The following EPG5 variants were observed in gnomAD, a reference collection of about 807,000 sequenced individuals.
The protein encoded by EPG5 is ectopic P-granules 5 autophagy tethering factor.
EPG5 carries 159 observed loss-of-function variants against 302.7 expected under a neutral mutation model. The ratio of observed to expected loss-of-function variants is 0.53; its 90% CI spans 0.46 to 0.60. EPG5 has a LOEUF of 0.60. EPG5 is among the 20% of genes least tolerant of loss of function. The pLI is 0.00. For missense variants in EPG5, 2,896 were observed against 3,092.4 expected, an observed-to-expected ratio of 0.94 and a Z score of 1.51; for synonymous variants, 1,158 against 1,136.8, an observed-to-expected ratio of 1.02 and a Z score of -0.37.
At chr18:45,830,993 T>C in the EPG5 span, among the ~76,000 whole-genome samples, 1 of 152,194 alleles carries the variant, frequency 6.6e-6, no homozygotes, top group Non-Finnish European at 1.5e-5. Flanking sequence ...AATGTCACCT[T>C]AGTAAACATC....
the EPG5 span, among the ~76,000 whole-genome samples, chr18:45,808,783 A>C: frequency 6.6e-6 from 1 of 151,192 alleles, no homozygotes; most frequent in Non-Finnish European, 1.5e-5. Flanking sequence ...TTTAAAGCAT[A>C]AATATCACAG....
intron 36 of EPG5, among the ~76,000 whole-genome samples, chr18:45,868,639 G>A (rs1182103994): frequency 6.6e-6 from 1 of 151,504 alleles, no homozygotes; most frequent in East Asian, 1.9e-4. Flanking sequence ...AAAGTGCTGG[G>A]ATTACAGGCG....
In EPG5 at chr18:45,859,469, A is replaced by G. The variant is rs118044387; in HGVS notation, c.7009+635T>C. ...TTGCTCCGATACCCTCCTTCTCACT[A>G]CTGCTTCTCTCCCACTGACTGCAGT... On this transcript the variant is annotated intron_variant, in intron 40 of 43. Transcript: ENST00000282041. 6.1e-3 allele frequency among the ~76,000 whole-genome samples: 934 copies of G among 152,240 alleles called. 4 individuals carry two copies. Among genetic ancestry groups the G allele is most frequent in the South Asian group, 0.018 (89 of 4,824 alleles).
At chr18:45,837,007 G>A in the EPG5 span, 1 of 1,188,604 alleles carries the variant, frequency 8.4e-7, no homozygotes, top group Non-Finnish European at 1.3e-6. Context: ...TGTAACCCGG[G>A]GTTAACTGTG....
rs1194757461 is a variant in EPG5 at position 45,867,643 on chromosome 18, G to T, written c.6331C>A (p.Pro2111Thr). The change falls in exon 37 of 44, where the codon CCA becomes ACA. Residue 2111 changes from proline to threonine, a missense_variant. Around this residue, in one of 5 missense-constraint regions of EPG5, gnomAD observed 620 missense variants for 704.2 expected, o/e 0.88. Coordinates refer to ENST00000282041, the MANE Select transcript of EPG5 (RefSeq NM_020964.3). Reference sequence around the variant, plus strand: ...CAGACAATCATGCTGCGGGTTTCTGGGTGGGGACTGGAATTCCAGGCATCA... The same window carrying T: ...CAGACAATCATGCTGCGGGTTTCTGTGTGGGGACTGGAATTCCAGGCATCA... ...LSDAWNSSPHPETRSMIVCLL... is the reference protein window; with the variant it reads ...LSDAWNSSPHTETRSMIVCLL... 1 of 1,614,036 alleles carries T rather than the reference G, an allele frequency of 6.2e-7. No individual in the cohort carries two copies. Among genetic ancestry groups the T allele is most frequent in the Non-Finnish European group, 8.5e-7 (1 of 1,179,988 alleles).
At chr18:45,931,872 C>CAT (rs367753541) in intron 11 of EPG5, among the ~76,000 whole-genome samples, 76 of 149,146 alleles carry the variant, frequency 5.1e-4, no homozygotes, top group East Asian at 2.3e-3. Flanking sequence ...TAAATATATA[C>CAT]ATATATATAT....
the EPG5 span, chr18:45,840,332 A>G: frequency 7.0e-7 from 1 of 1,430,320 alleles, no homozygotes; most frequent in East Asian, 2.4e-5. Flanking sequence ...AATAAATGGC[A>G]AAGGGCTGGG....
At chr18:45,947,607 G>A (rs930329839) in intron 6 of EPG5, among the ~76,000 whole-genome samples, 1 of 151,988 alleles carries the variant, frequency 6.6e-6, no homozygotes, top group African/African-American at 2.4e-5. Context: ...CAACCCACCC[G>A]AGTTCTTCAC....
At chr18:45,915,880 A>G (rs1043520900) in intron 19 of EPG5, 129 bp downstream of exon 19, 48 of 906,954 alleles carry the variant, frequency 5.3e-5, no homozygotes, top group Non-Finnish European at 7.4e-5. Context: ...ATAAGGTACC[A>G]TTAAGGCAAA....
intron 25 of EPG5, 89 bp from the exon 26 acceptor site, chr18:45,901,256 T>C: frequency 1.7e-6 from 2 of 1,164,966 alleles, no homozygotes; most frequent in Non-Finnish European, 2.4e-6. Flanking sequence ...AGAATTCCTA[T>C]CCTCAAAAAA....
intron 1 of EPG5, 33 bp from the exon 2 acceptor site, chr18:45,955,371 A>G (rs762337162): frequency 7.3e-7 from 1 of 1,371,974 alleles, no homozygotes; most frequent in East Asian, 2.4e-5. Flanking sequence ...GAAATAATTT[A>G]TCACAATAAT....
At chr18:45,831,109 C>T in the EPG5 span, among the ~76,000 whole-genome samples, 1 of 152,082 alleles carries the variant, frequency 6.6e-6, no homozygotes, top group African/African-American at 2.4e-5. Context: ...CCCGGACAGA[C>T]CCCTGACACC....
At chr18:45,919,965 C>G (rs557996915) in intron 16 of EPG5, among the ~76,000 whole-genome samples, 3 of 152,330 alleles carry the variant, frequency 2.0e-5, no homozygotes, top group East Asian at 1.9e-4. Context: ...GGACCCTTAT[C>G]AGGTCTCCTC....
intron 1 of EPG5, among the ~76,000 whole-genome samples, chr18:45,961,648 G>T (rs1186872346): frequency 6.6e-6 from 1 of 152,122 alleles, no homozygotes; most frequent in East Asian, 1.9e-4. Flanking sequence ...ATCACCTGAG[G>T]TCAGGAGTTC....
intron 3 of EPG5, among the ~76,000 whole-genome samples, chr18:45,951,584 G>A (rs1196066896): frequency 6.6e-6 from 1 of 151,788 alleles, no homozygotes; most frequent in Non-Finnish European, 1.5e-5. Context: ...TCAGCCTCTT[G>A]AGTAGCTGGG....
rs567782954 is a variant in EPG5 at position 45,891,142 on chromosome 18, T to C, written c.4810-1202A>G. Among the ~76,000 whole-genome samples the C allele has an allele frequency of 9.2e-5, 14 of 152,290 alleles. No individual in the cohort carries two copies. In the East Asian group the frequency reaches 2.7e-3, roughly 29 times the overall value. On this transcript the variant is annotated intron_variant, in intron 27 of 43. Transcript: ENST00000282041. The stretch of plus-strand genomic sequence containing the variant: ...ATAATGTAAATAATTCACAAACTTA[T>C]TACCTGAGGCTCTTATGTCACTTAT...
chr18:45,884,276 G>C (rs2049169189), intron 30 of EPG5, among the ~76,000 whole-genome samples: 1 of 152,152 alleles, frequency 6.6e-6, no homozygotes, highest in African/African-American at 2.4e-5. Context: ...GAAGGATATA[G>C]GTTGCATGCT....
Position 45,884,781 on chromosome 18 carries a change from T to C in EPG5, c.5140A>G (p.Arg1714Gly), listed in dbSNP as rs2049182962. The change falls in exon 30 of 44, where the codon AGA (arginine) becomes GGA (glycine). Residue 1714 changes from arginine to glycine, a missense_variant. Around this residue, in one of 5 missense-constraint regions of EPG5, gnomAD observed 790 missense variants for 798.0 expected, o/e 0.99. Coordinates refer to ENST00000282041, the MANE Select transcript of EPG5 (RefSeq NM_020964.3). ...TTCAGAATGGTTTCAAGTACTTTTC[T>C]GCACTCTGATTTAATGCCACTGATA... is the stretch of plus-strand genomic sequence containing the variant. The part of the protein sequence containing the change: ...VFISGIKSEC[R>G]KVLETILKNS... 6.4e-7 allele frequency: 1 copy of C among 1,571,692 alleles called. No individual in the cohort carries two copies. Among genetic ancestry groups the C allele is most frequent in the Non-Finnish European group, 8.6e-7 (1 of 1,167,016 alleles).
At chr18:45,882,529 GA>G (rs1568119219) in intron 30 of EPG5, 42 bp from the exon 31 acceptor site, 1 of 1,538,082 alleles carries the variant, frequency 6.5e-7, no homozygotes, top group Non-Finnish European at 8.9e-7. Context: ...ATTTGCACTA[GA>G]AAAATAGTTT....
Sources: gnomAD v4.1 joint callset for allele counts (sites outside exome capture counted in the v4.1 genomes callset) on GRCh38, gnomAD v4.1.1 for gene constraint, gnomAD v4.1.1 regional missense constraint, MANE v1.5 for transcripts, NCBI Gene and HGNC (gene_info 2026-07-23, HGNC 2026-07-21) for gene names.